Variants in VTI1A observed in about 807,000 individuals in gnomAD.
VTI1A encodes the protein vesicle transport through interaction with t-SNAREs homolog 1A.
A neutral mutation model predicts 34.9 loss-of-function variants in VTI1A; 22 were observed. The ratio of observed to expected loss-of-function variants is 0.63; its 90% CI spans 0.45 to 0.90. The LOEUF (loss-of-function observed/expected upper bound fraction) is 0.90, where lower values mean the gene tolerates loss of function less well. Ranked by LOEUF, VTI1A falls within the 40% of genes least tolerant of loss-of-function variation. VTI1A has a pLI of 0.00. For synonymous variants in VTI1A, 87 were observed against 97.3 expected (o/e 0.89, Z 0.62); for missense variants, 268 against 275.6 (o/e 0.97, Z 0.20).
At position 112,634,500 on chromosome 10, in the gene VTI1A, GACAC is replaced by G. The variant is rs780354021; in HGVS notation, c.428-33708_428-33705del. Among the ~76,000 whole-genome samples, 9 of 96,986 alleles carry G rather than the reference GACAC, an allele frequency of 9.3e-5. No individual in the cohort carries two copies. In the South Asian group the frequency reaches 1.8e-3, roughly 20 times the overall value. 63.6% of individuals were successfully genotyped at this position (96,986 alleles called of 152,430 possible). On this transcript the variant is annotated intron_variant, in intron 5 of 7. Transcript: ENST00000393077. ...CTCGGTGGTTATACACACACACACAGACACACACACACATACACACACACACACA... is the reference window on the plus strand; with the variant it reads ...CTCGGTGGTTATACACACACACACAGACACACACATACACACACACACACA...
chr10:112,775,346 G>A (rs994410490), intron 7 of VTI1A, among the ~76,000 whole-genome samples: 3 of 152,130 alleles, frequency 2.0e-5, no homozygotes, highest in Admixed American at 2.0e-4. Context: ...TCCCAGTGCA[G>A]GCCCAAGTTT....
At chr10:112,778,027 G>T (rs1047895080) in intron 7 of VTI1A, among the ~76,000 whole-genome samples, 4 of 152,120 alleles carry the variant, frequency 2.6e-5, no homozygotes, top group Non-Finnish European at 5.9e-5. Context: ...GCTTGAACCT[G>T]GGAGGCAGAG....
At chr10:112,799,956 T>TAG (rs34501795) in intron 7 of VTI1A, among the ~76,000 whole-genome samples, 2,264 of 147,200 alleles carry the variant, frequency 0.015, 30 homozygotes, top group African/African-American at 0.031. Context: ...GTTCTGATGT[T>TAG]AGAGAGAGAG....
At chr10:112,599,345 A>G (rs1207228676) in intron 5 of VTI1A, among the ~76,000 whole-genome samples, 6 of 152,188 alleles carry the variant, frequency 3.9e-5, no homozygotes, top group Non-Finnish European at 5.9e-5. Flanking sequence ...GTGCAGGCCA[A>G]TTGGACAGAC....
intron 3 of VTI1A, among the ~76,000 whole-genome samples, chr10:112,515,209 T>C (rs1199876489): frequency 6.6e-6 from 1 of 151,920 alleles, no homozygotes; most frequent in African/African-American, 2.4e-5. Context: ...ATTCCACAAG[T>C]CCAAGACTGG....
intron 5 of VTI1A, among the ~76,000 whole-genome samples, chr10:112,655,754 C>A (rs1847207989): frequency 6.6e-6 from 1 of 152,154 alleles, no homozygotes; most frequent in Admixed American, 6.5e-5. Context: ...GTATTTTGGA[C>A]TACAGAATGT....
At chr10:112,764,712 A>G (rs1466639391) in intron 7 of VTI1A, among the ~76,000 whole-genome samples, 5 of 152,200 alleles carry the variant, frequency 3.3e-5, no homozygotes, top group Non-Finnish European at 5.9e-5. Context: ...CATTGTGATC[A>G]TGGTTAATTC....
chr10:112,755,693 A>C (rs1851260188), intron 7 of VTI1A, among the ~76,000 whole-genome samples: 1 of 152,252 alleles, frequency 6.6e-6, no homozygotes, highest in Non-Finnish European at 1.5e-5. Context: ...ACCAGATAAC[A>C]TTAATGAATA....
rs149727754 is a variant in VTI1A, at chr10:112,582,413, A to G, written c.427+44083A>G. On this transcript the variant is annotated intron_variant, in intron 5 of 7. Transcript: ENST00000393077. ...TCCCCCAAATATATGTTCTCCTCAC[A>G]TGCCAAGTACATTCCTTCCACCCCA... 5.6e-3 allele frequency among the ~76,000 whole-genome samples: 851 copies of G among 152,246 alleles called. 10 individuals are homozygous for G. The highest frequency in any genetic ancestry group is 0.019 in the African/African-American group (806 of 41,536).
intron 5 of VTI1A, among the ~76,000 whole-genome samples, chr10:112,653,569 C>T (rs573505397): frequency 2.6e-5 from 4 of 152,280 alleles, no homozygotes; most frequent in Admixed American, 2.0e-4. Context: ...GCCTCAGATT[C>T]CTTGTCTTGA....
At chr10:112,702,394 T>C (rs1349332162) in intron 7 of VTI1A, among the ~76,000 whole-genome samples, 1 of 152,176 alleles carries the variant, frequency 6.6e-6, no homozygotes, top group Non-Finnish European at 1.5e-5. Flanking sequence ...CATTACTATG[T>C]CACATAGTGC....
At chr10:112,751,491 A>T (rs1224516331) in intron 7 of VTI1A, among the ~76,000 whole-genome samples, 3 of 151,804 alleles carry the variant, frequency 2.0e-5, no homozygotes, top group Non-Finnish European at 4.4e-5. Flanking sequence ...AAAAAAAAAA[A>T]AAAAAAGCCC....
rs1287033025 is a variant in VTI1A, at chr10:112,818,622, C to G, written c.*3239C>G. On this transcript the variant is annotated 3_prime_UTR_variant, in exon 8 of 8. Transcript: ENST00000393077. The stretch of plus-strand genomic sequence containing the variant: ...GGCTCATTAAATCATAAAAACTTGA[C>G]AAGGAAATAATTGCGCATTGCCAGC... 2 of 220,882 alleles carry G rather than the reference C, an allele frequency of 9.1e-6. No homozygotes were observed. The highest frequency in any genetic ancestry group is 1.8e-5 in the Non-Finnish European group (2 of 109,988). The allele number at this position is 220,882 out of a possible 1,614,324, so 13.7% of individuals were successfully genotyped here.
At chr10:112,790,817 C>T (rs1423731807) in intron 7 of VTI1A, among the ~76,000 whole-genome samples, 3 of 149,114 alleles carry the variant, frequency 2.0e-5, no homozygotes, top group Non-Finnish European at 4.4e-5. Flanking sequence ...TGTGAATTTG[C>T]CGACCTCTTC....
intron 7 of VTI1A, among the ~76,000 whole-genome samples, chr10:112,732,142 T>C (rs1014853369): frequency 3.3e-5 from 5 of 152,216 alleles, no homozygotes; most frequent in Admixed American, 6.5e-5. Flanking sequence ...TATGAAACTT[T>C]TGAGCAAATG....
intron 7 of VTI1A, among the ~76,000 whole-genome samples, chr10:112,747,739 A>G (rs1410993329): frequency 6.6e-6 from 1 of 151,948 alleles, no homozygotes; most frequent in Non-Finnish European, 1.5e-5. Context: ...GAGGCCCTCA[A>G]AGAGGAATAC....
chr10:112,855,217 G>T, the VTI1A span, among the ~76,000 whole-genome samples: 1 of 152,130 alleles, frequency 6.6e-6, no homozygotes, highest in African/African-American at 2.4e-5. Flanking sequence ...AATGACCAGA[G>T]AATTTTCTCT....
intron 3 of VTI1A, among the ~76,000 whole-genome samples, chr10:112,491,874 A>G (rs1848836078): frequency 6.6e-6 from 1 of 152,188 alleles, no homozygotes; most frequent in Non-Finnish European, 1.5e-5. Context: ...CATAAAAATA[A>G]AGGTTCCTAA....
chr10:112,497,650 C>G (rs1156474610), intron 3 of VTI1A, among the ~76,000 whole-genome samples: 1 of 152,134 alleles, frequency 6.6e-6, no homozygotes, highest in Non-Finnish European at 1.5e-5. Context: ...AAAATATAAT[C>G]TAAATTAGGC....
Sources: allele counts gnomAD v4.1 joint callset (sites outside exome capture counted in the v4.1 genomes callset), GRCh38; gene constraint gnomAD v4.1.1; transcripts MANE v1.5; gene names NCBI Gene and HGNC (gene_info 2026-07-23, HGNC 2026-07-21).